PDE6A: variants seen among roughly 807,000 people sequenced by gnomAD.
The protein encoded by PDE6A is rod cGMP-specific 3',5'-cyclic phosphodiesterase subunit alpha.
PDE6A carries 84 observed loss-of-function variants against 106.3 expected under a neutral mutation model. The observed-to-expected ratio is 0.79, with a 90% CI of 0.66 to 0.95. The LOEUF (loss-of-function observed/expected upper bound fraction) is 0.95, where lower values mean the gene tolerates loss of function less well. Among genes scored for constraint, PDE6A ranks in the 40% least tolerant of loss-of-function variants. The pLI is 0.00. For synonymous variants in PDE6A, 394 were observed against 386.6 expected, an observed-to-expected ratio of 1.02 and a Z score of -0.23; for missense variants, 1,052 against 1,084.9, an observed-to-expected ratio of 0.97 and a Z score of 0.43.
rs374285532 is a variant in PDE6A, at chr5:149,884,469, A to C, written c.2027+10T>G. ...TTGCTTTTACTATTAGAATGAGAAGATATACCAACTTGAAATACAGGGCGA... is the reference window on the plus strand; with the variant it reads ...TTGCTTTTACTATTAGAATGAGAAGCTATACCAACTTGAAATACAGGGCGA... On this transcript the variant is annotated intron_variant, in intron 16 of 21. Coordinates refer to ENST00000255266, the MANE Select transcript of PDE6A (RefSeq NM_000440.3). 7.6e-6 allele frequency: 12 copies of C among 1,569,338 alleles called. No individual in the cohort carries two copies. The African/African-American group carries it at 1.6e-4, about 21-fold the overall frequency.
Position 149,931,156 on chromosome 5 carries a change from A to G in PDE6A, c.730T>C (p.Ser244Pro), listed in dbSNP as rs747987772. ...ETRRGQILLW[S>P]GSKVFEELTD... ...AGTTCTTCAAAGACTTTGCTCCCAG[A>G]CCACAGCAGTATCTGAAAAAACACA... Residue 244 changes from serine to proline, a missense_variant, in exon 4 of 22, where the codon TCT becomes CCT. Ser to Pro is a moderately conservative substitution (Grantham distance 74). Around this residue, in one of 3 missense-constraint regions of PDE6A, gnomAD observed 913 missense variants for 915.2 expected, o/e 1.00. Transcript: ENST00000255266. The G allele has an allele frequency of 6.2e-7, 1 of 1,614,110 alleles. No individual in the cohort carries two copies. The highest frequency in any genetic ancestry group is 1.1e-5 in the South Asian group (1 of 91,072).
At chr5:149,932,970 C>G (rs1406201700) in intron 3 of PDE6A, among the ~76,000 whole-genome samples, 2 of 152,146 alleles carry the variant, frequency 1.3e-5, no homozygotes, top group Admixed American at 1.3e-4. Flanking sequence ...AGGGCAGAAG[C>G]GCAAAAGCTA....
intron 1 of PDE6A, among the ~76,000 whole-genome samples, chr5:149,940,745 G>A (rs1754307192): frequency 6.6e-6 from 1 of 152,052 alleles, no homozygotes; most frequent in South Asian, 2.1e-4. Flanking sequence ...TGATCTGCCT[G>A]CCTCGGCCTC....
chr5:149,895,776 TGAGAGAGAGAGAGAAAGAGGA>T lies in PDE6A; in HGVS notation c.1621-507_1621-487del, dbSNP rs1309867784. On this transcript the variant is annotated intron_variant, in intron 12 of 21. Coordinates refer to ENST00000255266, the MANE Select transcript of PDE6A (RefSeq NM_000440.3). ...GTGTGTGTGTGTGTGTCTGTGTGTG[TGAGAGAGAGAGAGAAAGAGGA>T]GAGAGAGAGAGAGAAAAAGAAGAAT... Among the ~76,000 whole-genome samples the T allele has an allele frequency of 2.0e-5, 3 of 151,642 alleles. No individual in the cohort carries two copies. The East Asian group carries it at 5.8e-4, about 29-fold the overall frequency.
chr5:149,868,016 G>A (rs1251862753), intron 18 of PDE6A, 79 bp downstream of exon 18: 5 of 1,404,224 alleles, frequency 3.6e-6, no homozygotes, highest in Non-Finnish European at 5.1e-6. Flanking sequence ...CTGGAGCTGG[G>A]CTGAGAGAGT....
intron 21 of PDE6A, among the ~76,000 whole-genome samples, chr5:149,861,223 G>A (rs1170821778): frequency 6.6e-6 from 1 of 152,264 alleles, no homozygotes; most frequent in East Asian, 1.9e-4. Flanking sequence ...GACCAGGGGA[G>A]CTGTGAACAT....
chr5:149,933,909 C>T (rs1270235577), intron 3 of PDE6A, 21 bp downstream of exon 3: 3 of 1,582,070 alleles, frequency 1.9e-6, no homozygotes, highest in South Asian at 2.2e-5. Flanking sequence ...CAAGTCCATT[C>T]CCTTGGCCCA....
intron 11 of PDE6A, 26 bp downstream of exon 11, chr5:149,896,685 G>T (rs902495495): frequency 4.3e-6 from 7 of 1,614,042 alleles, no homozygotes; most frequent in Non-Finnish European, 5.9e-6. Flanking sequence ...ATACATCGGG[G>T]CTCGTGCTGC....
intron 7 of PDE6A, among the ~76,000 whole-genome samples, chr5:149,907,075 ACTATGCACCTTT>A (rs1179103350): frequency 1.1e-4 from 17 of 152,168 alleles, no homozygotes; most frequent in African/African-American, 3.6e-4. Context: ...CCCGGCCAAG[ACTATGCACCTTT>A]CTACCTAAGG....
intron 1 of PDE6A, among the ~76,000 whole-genome samples, chr5:149,941,687 C>T (rs1368582633): frequency 6.6e-6 from 1 of 152,170 alleles, no homozygotes; most frequent in Non-Finnish European, 1.5e-5. Context: ...AATGAAAGGA[C>T]ATTTCTGCAA....
At position 149,933,975 on chromosome 5, in the gene PDE6A, C is replaced by G; in HGVS notation, c.672G>C (p.Val224=). 6.2e-7 allele frequency: 1 copy of G among 1,613,866 alleles called. No homozygotes were observed. Among genetic ancestry groups the G allele is most frequent in the Non-Finnish European group, 8.5e-7 (1 of 1,179,782 alleles). Residue 224 remains valine (V), a synonymous_variant, in exon 3 of 22, where the codon GTG becomes GTC. Coordinates refer to ENST00000255266, the MANE Select transcript of PDE6A (RefSeq NM_000440.3). ...AGTTGTGCAGGTAACTCAGGTGGTA[C>G]ACCTTCATGATTAGATTTGCAAAAT... ...YLNFANLIMK[V]YHLSYLHNCE...
intron 1 of PDE6A, among the ~76,000 whole-genome samples, chr5:149,943,226 A>C (rs1754368356): frequency 6.6e-6 from 1 of 152,156 alleles, no homozygotes; most frequent in African/African-American, 2.4e-5. Flanking sequence ...ACTTTTACCA[A>C]GCATACTGCC....
Position 149,899,432 on chromosome 5 carries a change from T to C in PDE6A, c.1206A>G (p.Thr402=), listed in dbSNP as rs780335505. The C allele has an allele frequency of 1.9e-6, 3 of 1,614,152 alleles. No individual in the cohort carries two copies. The Admixed American group carries it at 5.0e-5, about 27-fold the overall frequency. Residue 402 remains threonine (T), a synonymous_variant, in exon 9 of 22, where the codon ACA becomes ACG. Transcript: ENST00000255266. ...NKKEEIVGVA[T]FYNRKDGKPF... is the part of the protein sequence containing the mutation. ...GCTTCCCATCTTTACGATTGTAAAA[T>C]GTGGCCACTCCAACAATTTCTTCCT...
intron 5 of PDE6A, among the ~76,000 whole-genome samples, chr5:149,918,176 G>A (rs945051601): frequency 2.6e-5 from 4 of 152,208 alleles, no homozygotes; most frequent in African/African-American, 9.7e-5. Context: ...CCAAATGTGG[G>A]TAAAAGCATT....
chr5:149,869,615 A>C (rs911607547), intron 17 of PDE6A, among the ~76,000 whole-genome samples: 1 of 152,200 alleles, frequency 6.6e-6, no homozygotes, highest in Non-Finnish European at 1.5e-5. Flanking sequence ...GGGAGTGCAG[A>C]CTGTATCTAG....
At chr5:149,920,961 A>AGAAAGAAG (rs1360755912) in intron 5 of PDE6A, among the ~76,000 whole-genome samples, 2 of 128,084 alleles carry the variant, frequency 1.6e-5, no homozygotes, top group Non-Finnish European at 3.0e-5. Context: ...AAAGAAAGAA[A>AGAAAGAAG]GAAAGAAAGA....
At chr5:149,871,539 G>A (rs1442982020) in intron 17 of PDE6A, among the ~76,000 whole-genome samples, 1 of 152,030 alleles carries the variant, frequency 6.6e-6, no homozygotes, top group African/African-American at 2.4e-5. Flanking sequence ...CAGGCAGAAG[G>A]ATCATCTAGT....
intron 17 of PDE6A, among the ~76,000 whole-genome samples, chr5:149,868,831 C>A (rs1027925581): frequency 6.6e-6 from 1 of 152,110 alleles, no homozygotes; most frequent in African/African-American, 2.4e-5. Context: ...CCATTGGAGG[C>A]AATATACTCC....
At chr5:149,921,579 C>T in intron 5 of PDE6A, 56 bp downstream of exon 5, 4 of 1,400,070 alleles carry the variant, frequency 2.9e-6, no homozygotes, top group Non-Finnish European at 4.1e-6. Flanking sequence ...ACAGGGTTTA[C>T]TGTGCCTTGC....
Sources: gnomAD v4.1 joint callset for allele counts (sites outside exome capture counted in the v4.1 genomes callset) on GRCh38, gnomAD v4.1.1 for gene constraint, gnomAD v4.1.1 regional missense constraint, MANE v1.5 for transcripts, NCBI Gene and HGNC (gene_info 2026-07-23, HGNC 2026-07-21) for gene names.